Variants in RASA3 observed in about 807,000 individuals in gnomAD.
RASA3 encodes ras GTPase-activating protein 3.
In RASA3, 73 loss-of-function variants were observed where a neutral mutation model predicts 110.0. The observed-to-expected ratio is 0.66, with a 90% CI of 0.55 to 0.81. The LOEUF (loss-of-function observed/expected upper bound fraction) is 0.81. RASA3 is among the 30% of genes least tolerant of loss of function. RASA3 has a pLI of 0.00. For synonymous variants in RASA3, 500 were observed against 451.4 expected, an observed-to-expected ratio of 1.11 and a Z score of -1.37; for missense variants, 976 against 1,113.2, an observed-to-expected ratio of 0.88 and a Z score of 1.75.
intron 2 of RASA3, among the ~76,000 whole-genome samples, chr13:114,070,224 G>A (rs1477891414): frequency 3.1e-5 from 4 of 130,562 alleles, no homozygotes; most frequent in East Asian, 2.6e-4. Flanking sequence ...AGACTCGGGG[G>A]ATGGGAGACT....
intron 1 of RASA3, among the ~76,000 whole-genome samples, chr13:114,100,700 G>A (rs1462977792): frequency 1.3e-5 from 2 of 152,174 alleles, no homozygotes; most frequent in Non-Finnish European, 2.9e-5. Context: ...GAAAATCCCA[G>A]GCTGGTTCGG....
At position 114,090,256 on chromosome 13, in the gene RASA3, G is replaced by A. The variant is rs1046775922; in HGVS notation, c.56-16419C>T. Among the ~76,000 whole-genome samples, 11 of 152,172 alleles carry A rather than the reference G, an allele frequency of 7.2e-5. 1 individual carries two copies. The highest frequency in any genetic ancestry group is 4.1e-4 in the South Asian group (2 of 4,828). On this transcript the variant is annotated intron_variant, in intron 1 of 23. Transcript: ENST00000334062. Reference sequence around the variant, plus strand: ...GTGCCTTCACACCTGCCTGCAAAGCGCAAGCGTTACCATGTCTCTACACCC... The same window carrying A: ...GTGCCTTCACACCTGCCTGCAAAGCACAAGCGTTACCATGTCTCTACACCC...
At chr13:114,111,010 A>G (rs2080210718) in intron 1 of RASA3, among the ~76,000 whole-genome samples, 1 of 152,196 alleles carries the variant, frequency 6.6e-6, no homozygotes, top group African/African-American at 2.4e-5. Flanking sequence ...AAAAACCTAA[A>G]ACTGCAACAT....
rs72659543 is a variant in RASA3 at position 114,032,402 on chromosome 13, T to C, written c.373-2515A>G. ...TGGGCCACACGTCGTGATGTCTGCC[T>C]TCTCAGGTCAAACTGACATACGGCC... is the stretch of plus-strand genomic sequence containing the variant. On this transcript the variant is annotated intron_variant, in intron 4 of 23. Coordinates refer to ENST00000334062, the MANE Select transcript of RASA3 (RefSeq NM_007368.4). 9.1e-3 allele frequency among the ~76,000 whole-genome samples: 1,393 copies of C among 152,270 alleles called. 12 individuals are homozygous for C. The highest frequency in any genetic ancestry group is 0.021 in the South Asian group (99 of 4,826).
chr13:114,130,610 G>A (rs1340688088), intron 1 of RASA3, among the ~76,000 whole-genome samples: 1 of 152,188 alleles, frequency 6.6e-6, no homozygotes, highest in Non-Finnish European at 1.5e-5. Flanking sequence ...CAGGGTCTGA[G>A]TATCTGGTCT....
chr13:114,122,294 C>T (rs375992691), intron 1 of RASA3, among the ~76,000 whole-genome samples: 1 of 152,244 alleles, frequency 6.6e-6, no homozygotes, highest in African/African-American at 2.4e-5. Context: ...TCCCAAAGCC[C>T]ATGGGAAAAC....
At chr13:114,013,487 C>CTT in intron 14 of RASA3, among the ~76,000 whole-genome samples, 1 of 140,960 alleles carries the variant, frequency 7.1e-6, no homozygotes, top group Non-Finnish European at 1.6e-5. Flanking sequence ...CTCCGTATCT[C>CTT]TGTCTCTCTC....
At position 114,014,053 on chromosome 13, in the gene RASA3, TCTGTCTCTGCCTCTCTCTCC is replaced by T. The variant is rs2053734014; in HGVS notation, c.1406-825_1406-806del. Among the ~76,000 whole-genome samples, 1 of 122,716 alleles carries T rather than the reference TCTGTCTCTGCCTCTCTCTCC, an allele frequency of 8.1e-6. No individual in the cohort carries two copies. Among genetic ancestry groups the T allele is most frequent in the Non-Finnish European group, 1.9e-5 (1 of 51,400 alleles). 80.5% of individuals were successfully genotyped at this position (122,716 alleles called of 152,430 possible). A position where few individuals can be genotyped will look rare whatever the true frequency, so the allele number is the denominator to read the frequency against. On this transcript the variant is annotated intron_variant, in intron 14 of 23. Coordinates refer to ENST00000334062, the MANE Select transcript of RASA3 (RefSeq NM_007368.4). This position sits in a 1 kb window ranked among gnomAD's most constrained non-coding sequence, Gnocchi z 4.5. ...CTCTCCGTCTCTATCTCTCTCTCCG[TCTGTCTCTGCCTCTCTCTCC>T]GTCTGTCTCTGCCTCTCTCTCCGTC...
rs138890168 is a variant in RASA3 at position 114,038,068 on chromosome 13, T to A, written c.372+2932A>T. On this transcript the variant is annotated intron_variant, in intron 4 of 23. Transcript: ENST00000334062. ...CTATAGATCTATAACCATTTCAAAATTAAATCAGTAAAAAAAAAAAAAAGG... is the reference window on the plus strand; with the variant it reads ...CTATAGATCTATAACCATTTCAAAAATAAATCAGTAAAAAAAAAAAAAAGG... 5.1e-3 allele frequency among the ~76,000 whole-genome samples: 751 copies of A among 146,518 alleles called. 3 individuals carry two copies. Among genetic ancestry groups the A allele is most frequent in the Non-Finnish European group, 7.2e-3 (478 of 66,126 alleles).
intron 21 of RASA3, among the ~76,000 whole-genome samples, chr13:113,993,501 T>C (rs2053164978): frequency 6.6e-6 from 1 of 151,774 alleles, no homozygotes; most frequent in South Asian, 2.1e-4. Context: ...AATCTTACTT[T>C]GTGTTATTAT....
At chr13:114,031,603 C>T (rs1421454684) in intron 4 of RASA3, among the ~76,000 whole-genome samples, 1 of 151,842 alleles carries the variant, frequency 6.6e-6, no homozygotes, top group Non-Finnish European at 1.5e-5. Context: ...TGTGTGTGCA[C>T]CGCCTGTGTG....
Position 114,073,820 on chromosome 13 carries a change from G to C in RASA3, c.73C>G (p.Pro25Ala), listed in dbSNP as rs2079620860. The C allele has an allele frequency of 6.2e-7, 1 of 1,614,132 alleles. No individual in the cohort carries two copies. The change falls in exon 2 of 24, where the codon CCC becomes GCC. Residue 25 changes from proline to alanine, a missense_variant. Transcript: ENST00000334062. ...ATCTTGCTCGGCCCCGGGTAAGAGG[G>C]AAGGTTTTTGGCTTCACCTAAAAAG... Reference protein sequence around the residue: ...KIKIGEAKNLPSYPGPSKMRD... With the variant: ...KIKIGEAKNLASYPGPSKMRD...
intron 9 of RASA3, among the ~76,000 whole-genome samples, chr13:114,021,199 T>A (rs2053920858): frequency 6.6e-6 from 1 of 152,210 alleles, no homozygotes; most frequent in Non-Finnish European, 1.5e-5. Context: ...CTGCTGCCTC[T>A]CCTCACCTGC....
intron 7 of RASA3, among the ~76,000 whole-genome samples, chr13:114,026,411 A>T (rs1485770565): frequency 1.3e-5 from 2 of 152,162 alleles, no homozygotes; most frequent in African/African-American, 4.8e-5. Context: ...TCTATAAGTG[A>T]GGCTTCCGTT....
At chr13:114,060,240 G>C (rs1489530823) in intron 2 of RASA3, among the ~76,000 whole-genome samples, 1 of 152,204 alleles carries the variant, frequency 6.6e-6, no homozygotes, top group East Asian at 1.9e-4. Context: ...CGAGGTCAGA[G>C]GTCAGGGTGC....
chr13:114,033,502 C>T (rs12018706), intron 4 of RASA3, among the ~76,000 whole-genome samples: 42 of 28,298 alleles, frequency 1.5e-3, no homozygotes, highest in African/African-American at 2.0e-3. Context: ...GACACCACGC[C>T]CCACGGCACC....
Position 114,071,272 on chromosome 13 carries a change from C to G in RASA3, c.173+2448G>C, listed in dbSNP as rs2079569024. Among the ~76,000 whole-genome samples the G allele has an allele frequency of 2.0e-5, 3 of 152,202 alleles. No individual in the cohort carries two copies. The South Asian group carries it at 6.2e-4, about 32-fold the overall frequency. On this transcript the variant is annotated intron_variant, in intron 2 of 23. Transcript: ENST00000334062. The stretch of plus-strand genomic sequence containing the variant: ...TGCTGGGATTACAGGTGTGAGCCAC[C>G]ACACCCGGCCAGAACCATGATTTCT...
intron 2 of RASA3, among the ~76,000 whole-genome samples, chr13:114,062,289 T>TG (rs1273116376): frequency 6.6e-6 from 1 of 151,954 alleles, no homozygotes; most frequent in East Asian, 1.9e-4. Flanking sequence ...AACAACAAAT[T>TG]GCTTTTTTTT....
chr13:114,107,936 C>T (rs1029698925), intron 1 of RASA3, among the ~76,000 whole-genome samples: 11 of 152,214 alleles, frequency 7.2e-5, no homozygotes, highest in Middle Eastern at 3.4e-3. Flanking sequence ...TCTCCACGGC[C>T]GCCTCAGAGG....
Sources: gnomAD v4.1 joint callset for allele counts (sites outside exome capture counted in the v4.1 genomes callset) on GRCh38, gnomAD v4.1.1 for gene constraint, Gnocchi (gnomAD v3.1) non-coding constraint, MANE v1.5 for transcripts, NCBI Gene and HGNC (gene_info 2026-07-23, HGNC 2026-07-21) for gene names.